ANKFN1: variants seen among roughly 807,000 people sequenced by gnomAD.
ANKFN1 encodes the protein ankyrin repeat and fibronectin type-III domain-containing protein 1.
ANKFN1 carries 74 observed loss-of-function variants against 108.7 expected under a neutral mutation model. That is an observed-to-expected ratio of 0.68 (90% CI 0.56 to 0.83). ANKFN1 has a LOEUF of 0.83. Among genes scored for constraint, ANKFN1 ranks in the 40% least tolerant of loss-of-function variants. ANKFN1 has a pLI of 0.00. For missense variants in ANKFN1, 1,505 were observed against 1,382.3 expected, an observed-to-expected ratio of 1.09 and a Z score of -1.41; for synonymous variants, 547 against 516.2, an observed-to-expected ratio of 1.06 and a Z score of -0.81.
At chr17:56,452,424 T>G (rs916452246) in intron 11 of ANKFN1, among the ~76,000 whole-genome samples, 3 of 152,190 alleles carry the variant, frequency 2.0e-5, no homozygotes, top group African/African-American at 4.8e-5. Flanking sequence ...TATGTTACAG[T>G]AACCAAATGA....
At chr17:56,236,846 T>C (rs567285900) in intron 3 of ANKFN1, among the ~76,000 whole-genome samples, 1 of 152,286 alleles carries the variant, frequency 6.6e-6, no homozygotes, top group African/African-American at 2.4e-5. Flanking sequence ...CCTTGACTTG[T>C]GCCAGTTTTC....
chr17:56,423,133 C>G (rs1047633849), intron 8 of ANKFN1, among the ~76,000 whole-genome samples: 1 of 151,992 alleles, frequency 6.6e-6, no homozygotes, highest in East Asian at 1.9e-4. Context: ...GTAGGGCAAT[C>G]CTTCAAGGGA....
intron 1 of ANKFN1, among the ~76,000 whole-genome samples, chr17:56,166,373 T>C (rs1397739814): frequency 2.6e-5 from 4 of 152,196 alleles, no homozygotes; most frequent in African/African-American, 9.7e-5. Context: ...TTAATTGATC[T>C]TTGGCTTTTT....
Position 56,510,756 on chromosome 17 carries a change from G to A in ANKFN1, c.2928G>A (p.Thr976=), listed in dbSNP as rs1236190453. ...AGTTTCTCCATAGCCTGACCCTCAC[G>A]GGGTTCACACCCAAGAACCACGCCA... is the stretch of plus-strand genomic sequence containing the variant. ...CAEFLHSLTL[T]GFTPKNHAKT... The change falls in exon 21 of 21, where the codon ACG becomes ACA. Residue 976 remains threonine, a synonymous_variant. Coordinates refer to ENST00000682825, the MANE Select transcript of ANKFN1 (RefSeq NM_001370326.1). The A allele has an allele frequency of 5.2e-6, 8 of 1,536,012 alleles. No homozygotes were observed. Among genetic ancestry groups the A allele is most frequent in the African/African-American group, 2.7e-5 (2 of 73,056 alleles).
At chr17:56,221,891 C>T (rs1369609901) in intron 2 of ANKFN1, among the ~76,000 whole-genome samples, 1 of 152,146 alleles carries the variant, frequency 6.6e-6, no homozygotes, top group African/African-American at 2.4e-5. Context: ...TGGGAAAATG[C>T]CTGCCTCCCA....
chr17:56,270,424 G>A (rs1470036712), intron 3 of ANKFN1, among the ~76,000 whole-genome samples: 2 of 152,186 alleles, frequency 1.3e-5, no homozygotes, highest in African/African-American at 4.8e-5. Context: ...CTACATAACT[G>A]CTGGCTCAGA....
chr17:56,252,255 G>A (rs764953711), intron 3 of ANKFN1: 9 of 152,226 alleles, frequency 5.9e-5, no homozygotes, highest in Non-Finnish European at 1.3e-4. Flanking sequence ...GTAATAAAGT[G>A]ATTTGTTCAA....
At chr17:56,403,774 T>C (rs1353561110) in intron 8 of ANKFN1, among the ~76,000 whole-genome samples, 1 of 152,204 alleles carries the variant, frequency 6.6e-6, no homozygotes, top group African/African-American at 2.4e-5. Flanking sequence ...TGATTTATGC[T>C]TTAAAGAGCT....
chr17:56,170,799 T>TACACACACACACAC (rs1325475648), intron 1 of ANKFN1, among the ~76,000 whole-genome samples: 11 of 62,846 alleles, frequency 1.8e-4, no homozygotes, highest in East Asian at 7.5e-4. Context: ...TATATATATA[T>TACACACACACACAC]ATATATATAC....
intron 3 of ANKFN1, among the ~76,000 whole-genome samples, chr17:56,261,336 G>A (rs951655755): frequency 6.6e-6 from 1 of 152,212 alleles, no homozygotes; most frequent in Non-Finnish European, 1.5e-5. Flanking sequence ...AAGAAAATAT[G>A]TGTTAGTTCC....
At position 56,480,760 on chromosome 17, in the gene ANKFN1, A is replaced by G. The variant is rs1598694684; in HGVS notation, c.2033A>G (p.Tyr678Cys). Residue 678 changes from tyrosine (Y) to cysteine (C), a missense_variant, in exon 17 of 21, where the codon TAC becomes TGC. Tyr to Cys is a radical substitution (Grantham distance 194). Transcript: ENST00000682825. Reference protein sequence around the residue: ...TSDCPMQLFFYELQMAVKALL... With the variant: ...TSDCPMQLFFCELQMAVKALL... The stretch of plus-strand genomic sequence containing the variant: ...GACTGCCCCATGCAATTGTTCTTCT[A>G]CGAGCTCCAGATGGCAGTGAAAGCT... 2 of 1,614,122 alleles carry G rather than the reference A, an allele frequency of 1.2e-6. No individual in the cohort carries two copies. The highest frequency in any genetic ancestry group is 1.7e-6 in the Non-Finnish European group (2 of 1,179,978).
At chr17:56,289,648 A>G (rs1027693595) in intron 3 of ANKFN1, among the ~76,000 whole-genome samples, 1 of 152,228 alleles carries the variant, frequency 6.6e-6, no homozygotes, top group Non-Finnish European at 1.5e-5. Flanking sequence ...CCTGGAGCCC[A>G]TGCTTCAGGG....
chr17:56,464,327 A>G (rs1174102635), intron 14 of ANKFN1, among the ~76,000 whole-genome samples: 1 of 152,230 alleles, frequency 6.6e-6, no homozygotes, highest in Non-Finnish European at 1.5e-5. Flanking sequence ...GCTTTGGTCC[A>G]AAGTGAATCA....
chr17:56,227,654 A>G (rs1286396205), intron 2 of ANKFN1, among the ~76,000 whole-genome samples: 1 of 152,132 alleles, frequency 6.6e-6, no homozygotes, highest in African/African-American at 2.4e-5. Flanking sequence ...GTGAGCATCA[A>G]GTAGTCTTGA....
chr17:56,292,370 A>G lies in ANKFN1; in HGVS notation c.54-33851A>G, dbSNP rs189096645. Among the ~76,000 whole-genome samples the G allele has an allele frequency of 4.2e-3, 637 of 152,258 alleles. 1 individual carries two copies. The highest frequency in any genetic ancestry group is 0.027 in the Middle Eastern group (8 of 294). ...CCAGAAGTGATGAGATCAAAAGAAA[A>G]ATGCCATCTCCTCTTCAGAGAGTGT... On this transcript the variant is annotated intron_variant, in intron 3 of 20. Transcript: ENST00000682825.
At chr17:56,306,245 G>C (rs1036578815) in intron 3 of ANKFN1, among the ~76,000 whole-genome samples, 1 of 152,210 alleles carries the variant, frequency 6.6e-6, no homozygotes, top group South Asian at 2.1e-4. Flanking sequence ...CTAACTTGGG[G>C]AGAATGGACA....
chr17:56,406,797 A>G (rs1389887654), intron 8 of ANKFN1, among the ~76,000 whole-genome samples: 1 of 152,182 alleles, frequency 6.6e-6, no homozygotes, highest in Non-Finnish European at 1.5e-5. Flanking sequence ...GGGAAAATGC[A>G]TAGCATTTCA....
chr17:56,174,963 A>T (rs1911009903), intron 1 of ANKFN1, among the ~76,000 whole-genome samples: 1 of 152,032 alleles, frequency 6.6e-6, no homozygotes, highest in Non-Finnish European at 1.5e-5. Flanking sequence ...AGTGGGAGGG[A>T]GTTAATTATC....
At chr17:56,336,067 A>G (rs540856887) in intron 4 of ANKFN1, among the ~76,000 whole-genome samples, 174 of 152,288 alleles carry the variant, frequency 1.1e-3, no homozygotes, top group African/African-American at 4.0e-3. Context: ...GATGAAGCCA[A>G]CTTGATCTTG....
Sources: allele counts gnomAD v4.1 joint callset (sites outside exome capture counted in the v4.1 genomes callset), GRCh38; gene constraint gnomAD v4.1.1; transcripts MANE v1.5; gene names NCBI Gene and HGNC (gene_info 2026-07-23, HGNC 2026-07-21).